The following DCDC2 variants were observed in gnomAD, a reference collection of about 807,000 sequenced individuals.
DCDC2 encodes doublecortin domain-containing protein 2.
A neutral mutation model predicts 50.2 loss-of-function variants in DCDC2; 40 were observed. The ratio of observed to expected loss-of-function variants is 0.80; its 90% CI spans 0.62 to 1.04. The LOEUF is 1.04. Among genes scored for constraint, DCDC2 ranks in the 50% least tolerant of loss-of-function variants. The pLI is 0.00. For missense variants in DCDC2, 570 were observed against 581.9 expected (o/e 0.98, Z 0.21); for synonymous variants, 234 against 210.6 (o/e 1.11, Z -0.96).
chr6:24,202,574 G>C (rs1186903040), intron 8 of DCDC2, among the ~76,000 whole-genome samples: 2 of 152,106 alleles, frequency 1.3e-5, no homozygotes, highest in African/African-American at 4.8e-5. Context: ...AACTGGCACA[G>C]ATCAAGGATG....
intron 5 of DCDC2, among the ~76,000 whole-genome samples, chr6:24,289,308 G>A (rs1220827368): frequency 6.6e-6 from 1 of 152,178 alleles, no homozygotes; most frequent in Non-Finnish European, 1.5e-5. Flanking sequence ...GTCTACCTCT[G>A]ATAGGAGAGC....
At chr6:24,243,279 A>T (rs1474169865) in intron 7 of DCDC2, among the ~76,000 whole-genome samples, 2 of 152,222 alleles carry the variant, frequency 1.3e-5, no homozygotes, top group Non-Finnish European at 2.9e-5. Context: ...TGACCTGCAG[A>T]TAACAGAGTC....
At chr6:24,241,436 G>A (rs376743943) in intron 7 of DCDC2, among the ~76,000 whole-genome samples, 29 of 152,152 alleles carry the variant, frequency 1.9e-4, no homozygotes, top group African/African-American at 5.3e-4. Flanking sequence ...CCAATCACTC[G>A]TTTTCCTAGT....
At chr6:24,252,258 TC>T (rs34845756) in intron 7 of DCDC2, among the ~76,000 whole-genome samples, 1 of 152,182 alleles carries the variant, frequency 6.6e-6, no homozygotes, top group African/African-American at 2.4e-5. Flanking sequence ...ATTATATACT[TC>T]CTTGTACTAC....
At chr6:24,218,782 C>T (rs1288763319) in intron 7 of DCDC2, among the ~76,000 whole-genome samples, 1 of 152,154 alleles carries the variant, frequency 6.6e-6, no homozygotes, top group Non-Finnish European at 1.5e-5. Flanking sequence ...GCTACTGCAT[C>T]CGGCCTATTT....
the DCDC2 span, among the ~76,000 whole-genome samples, chr6:24,376,536 A>C: frequency 2.0e-5 from 3 of 152,192 alleles, no homozygotes; most frequent in Non-Finnish European, 4.4e-5. Context: ...ATGGAGAAGC[A>C]GTACAGACTT....
upstream of DCDC2, among the ~76,000 whole-genome samples, chr6:24,359,587 T>TAG (rs1760625422): frequency 8.1e-6 from 1 of 123,314 alleles, no homozygotes. Context: ...TTATATATAT[T>TAG]ATATATATTC....
At chr6:24,325,995 T>C (rs1363901870) in intron 2 of DCDC2, among the ~76,000 whole-genome samples, 2 of 149,148 alleles carry the variant, frequency 1.3e-5, no homozygotes, top group African/African-American at 4.8e-5. Flanking sequence ...CACAAACTAC[T>C]GTAATTTTTC....
At chr6:24,231,565 C>T (rs1476774064) in intron 7 of DCDC2, among the ~76,000 whole-genome samples, 2 of 152,128 alleles carry the variant, frequency 1.3e-5, no homozygotes, top group African/African-American at 2.4e-5. Context: ...TCCTCCCCTC[C>T]CCCATCCTCC....
chr6:24,217,931 C>T (rs969942221), intron 7 of DCDC2, among the ~76,000 whole-genome samples: 2 of 152,180 alleles, frequency 1.3e-5, no homozygotes, highest in Non-Finnish European at 2.9e-5. Context: ...CAAGGAACTG[C>T]TGCCAATAAA....
intron 8 of DCDC2, among the ~76,000 whole-genome samples, chr6:24,187,223 T>C (rs1313213060): frequency 6.6e-6 from 1 of 152,136 alleles, no homozygotes; most frequent in East Asian, 1.9e-4. Flanking sequence ...GATGGCTGGA[T>C]GTGGCAGGGA....
At chr6:24,308,305 CA>C (rs1350006375) in intron 2 of DCDC2, among the ~76,000 whole-genome samples, 1 of 152,228 alleles carries the variant, frequency 6.6e-6, no homozygotes, top group African/African-American at 2.4e-5. Flanking sequence ...GCACAGAAAG[CA>C]AGCCCTGATT....
chr6:24,315,648 C>CA (rs769867684), intron 2 of DCDC2, among the ~76,000 whole-genome samples: 6 of 151,888 alleles, frequency 4.0e-5, no homozygotes, highest in African/African-American at 1.5e-4. Flanking sequence ...GAAATCAAAC[C>CA]AAAAAAATAC....
chr6:24,262,154 C>G (rs1763025520), intron 7 of DCDC2, among the ~76,000 whole-genome samples: 1 of 148,692 alleles, frequency 6.7e-6, no homozygotes, highest in Non-Finnish European at 1.5e-5. Context: ...CCTCGTGACA[C>G]CGAGAGAGAA....
At chr6:24,295,766 C>T (rs150975391) in intron 4 of DCDC2, among the ~76,000 whole-genome samples, 7 of 152,002 alleles carry the variant, frequency 4.6e-5, no homozygotes, top group African/African-American at 1.7e-4. Context: ...GCTAACCAGG[C>T]GGGTAAAAGA....
chr6:24,291,094 A>G lies in DCDC2; in HGVS notation c.558-16T>C. The G allele has an allele frequency of 6.2e-7, 1 of 1,604,204 alleles. No individual in the cohort carries two copies. The highest frequency in any genetic ancestry group is 8.5e-7 in the Non-Finnish European group (1 of 1,177,072). ...AGTATAAAGCCTGTCGAAAATATGA[A>G]CACCAACAATTAGAATTTTAACCAA... is the stretch of plus-strand genomic sequence containing the variant. On this transcript the variant is annotated splice_polypyrimidine_tract_variant and intron_variant, in intron 4 of 9. Transcript: ENST00000378454.
intron 7 of DCDC2, among the ~76,000 whole-genome samples, chr6:24,213,957 C>T (rs369511297): frequency 9.9e-5 from 15 of 152,230 alleles, no homozygotes; most frequent in African/African-American, 3.1e-4. Context: ...AATGATACAA[C>T]CCAAATGTCC....
chr6:24,172,669 AC>A lies in DCDC2; in HGVS notation c.*2060del, dbSNP rs1561876018. The stretch of plus-strand genomic sequence containing the variant: ...AACTATTTGAAATCATTAACTCCAG[AC>A]CCAGTAATAGTGCACAAATTTAATA... On this transcript the variant is annotated 3_prime_UTR_variant, in exon 10 of 10. Coordinates refer to ENST00000378454, the MANE Select transcript of DCDC2 (RefSeq NM_016356.5). 1 of 152,084 alleles carries A rather than the reference AC, an allele frequency of 6.6e-6. No homozygotes were observed. Among genetic ancestry groups the A allele is most frequent in the Admixed American group, 6.6e-5 (1 of 15,248 alleles). The allele number at this position is 152,084 out of a possible 1,614,324, so 9.4% of individuals were successfully genotyped here. A position where few individuals can be genotyped will look rare whatever the true frequency, so the allele number is the denominator to read the frequency against.
At chr6:24,283,606 G>T (rs572834333) in intron 6 of DCDC2, among the ~76,000 whole-genome samples, 4 of 152,166 alleles carry the variant, frequency 2.6e-5, no homozygotes, top group Non-Finnish European at 5.9e-5. Flanking sequence ...TTTTGCAGTG[G>T]TTCCTACAGC....
Sources: allele counts gnomAD v4.1 joint callset (sites outside exome capture counted in the v4.1 genomes callset), GRCh38; gene constraint gnomAD v4.1.1; transcripts MANE v1.5; gene names NCBI Gene and HGNC (gene_info 2026-07-23, HGNC 2026-07-21).